CRPPA: variants seen among roughly 807,000 people sequenced by gnomAD.
The protein encoded by CRPPA is CDP-L-ribitol pyrophosphorylase A.
In CRPPA, 43 loss-of-function variants were observed where a neutral mutation model predicts 52.0. That is an observed-to-expected ratio of 0.83 (90% confidence interval 0.65 to 1.07). The LOEUF (loss-of-function observed/expected upper bound fraction) is 1.07, where lower values mean the gene tolerates loss of function less well. CRPPA is among the 50% of genes least tolerant of loss of function. The pLI is 0.00. For synonymous variants in CRPPA, 250 were observed against 203.5 expected (o/e 1.23, Z -1.94); for missense variants, 629 against 551.7 (o/e 1.14, Z -1.40).
At chr7:16,309,935 T>G (rs986494627) in intron 3 of CRPPA, among the ~76,000 whole-genome samples, 1 of 152,024 alleles carries the variant, frequency 6.6e-6, no homozygotes, top group Non-Finnish European at 1.5e-5. Flanking sequence ...TAAATTCAAG[T>G]CAATCGCTAA....
chr7:16,186,983 C>T (rs924803528), intron 9 of CRPPA, among the ~76,000 whole-genome samples: 10 of 152,108 alleles, frequency 6.6e-5, no homozygotes, highest in African/African-American at 2.4e-4. Flanking sequence ...TTAATCTTTG[C>T]TCATGTGCAA....
intron 8 of CRPPA, among the ~76,000 whole-genome samples, chr7:16,233,898 G>A (rs1195816166): frequency 2.0e-5 from 3 of 152,050 alleles, no homozygotes; most frequent in Non-Finnish European, 4.4e-5. Context: ...TATGACAAGG[G>A]TAGAGGCTAT....
At chr7:16,210,077 T>C (rs1321187762) in intron 9 of CRPPA, among the ~76,000 whole-genome samples, 1 of 152,234 alleles carries the variant, frequency 6.6e-6, no homozygotes, top group Non-Finnish European at 1.5e-5. Context: ...AAATAAGTTT[T>C]GCCTTTCTAA....
In CRPPA at chr7:16,263,945, T is replaced by G. The variant is rs140044503; in HGVS notation, c.934-4933A>C. Among the ~76,000 whole-genome samples, 566 of 152,246 alleles carry G rather than the reference T, an allele frequency of 3.7e-3. 3 individuals carry two copies. The highest frequency in any genetic ancestry group is 0.014 in the Middle Eastern group (4 of 294). On this transcript the variant is annotated intron_variant, in intron 6 of 9. Transcript: ENST00000407010. ...TGCATACACAATATTTACATAAAAG[T>G]TATCAAATATTAGTATTTTTGTACT...
chr7:16,133,944 T>G lies in CRPPA; in HGVS notation c.1252-42145A>C, dbSNP rs1034868530. ...ACATCATCCTTATGATTTTCTTTTT[T>G]TTTCCGAGATGGAGTCTCGCTCTGT... On this transcript the variant is annotated intron_variant, in intron 9 of 9. Transcript: ENST00000407010. Among the ~76,000 whole-genome samples, 8 of 124,396 alleles carry G rather than the reference T, an allele frequency of 6.4e-5. 2 individuals carry two copies. Among genetic ancestry groups the G allele is most frequent in the African/African-American group, 2.1e-4 (8 of 38,426 alleles). 81.6% of individuals were successfully genotyped at this position (124,396 alleles called of 152,430 possible).
chr7:16,377,930 C>A (rs985734848), intron 2 of CRPPA, among the ~76,000 whole-genome samples: 4 of 151,982 alleles, frequency 2.6e-5, no homozygotes, highest in Admixed American at 2.0e-4. Context: ...CCTGATCACT[C>A]TTTTTCCAGC....
intron 6 of CRPPA, chr7:16,261,957 G>A (rs973069900): frequency 6.6e-6 from 1 of 151,964 alleles, no homozygotes; most frequent in Non-Finnish European, 1.5e-5. Context: ...TCGGATGTTT[G>A]TAGATAATCC....
At chr7:16,153,457 T>C (rs1583393752) in intron 9 of CRPPA, among the ~76,000 whole-genome samples, 1 of 152,148 alleles carries the variant, frequency 6.6e-6, no homozygotes, top group Admixed American at 6.5e-5. Flanking sequence ...TATTACCTTT[T>C]AGAGAAAAGG....
chr7:16,272,307 A>C (rs1025841772), intron 6 of CRPPA, among the ~76,000 whole-genome samples: 2 of 152,214 alleles, frequency 1.3e-5, no homozygotes, highest in African/African-American at 4.8e-5. Context: ...GGTGGGTATC[A>C]TTAAAGTTAG....
intron 4 of CRPPA, among the ~76,000 whole-genome samples, chr7:16,303,405 A>G (rs1465820085): frequency 1.3e-5 from 2 of 149,452 alleles, no homozygotes; most frequent in Non-Finnish European, 3.0e-5. Flanking sequence ...GTAAGGTAAT[A>G]ATACGGTGGG....
chr7:16,265,853 T>A (rs1373965829), intron 6 of CRPPA, among the ~76,000 whole-genome samples: 1 of 152,194 alleles, frequency 6.6e-6, no homozygotes, highest in African/African-American at 2.4e-5. Flanking sequence ...TTATAGATAA[T>A]GCAGTACAGG....
intron 9 of CRPPA, among the ~76,000 whole-genome samples, chr7:16,176,237 G>A (rs771060143): frequency 9.2e-5 from 14 of 152,072 alleles, no homozygotes; most frequent in Non-Finnish European, 1.5e-4. Context: ...AATATTTAAA[G>A]AGAGAAGACC....
At chr7:16,240,075 C>G (rs557203930) in intron 8 of CRPPA, among the ~76,000 whole-genome samples, 1 of 151,792 alleles carries the variant, frequency 6.6e-6, no homozygotes, top group Non-Finnish European at 1.5e-5. Context: ...ATAACACAAA[C>G]TTTCCATTAA....
intron 9 of CRPPA, among the ~76,000 whole-genome samples, chr7:16,201,527 G>T (rs1781856866): frequency 6.6e-6 from 1 of 152,076 alleles, no homozygotes; most frequent in Admixed American, 6.5e-5. Context: ...ACCCACTTTT[G>T]GGTCCCCTCT....
At chr7:16,255,750 C>G (rs1013291625) in intron 8 of CRPPA, among the ~76,000 whole-genome samples, 2 of 152,094 alleles carry the variant, frequency 1.3e-5, no homozygotes, top group African/African-American at 4.8e-5. Context: ...AAGCAGAAAG[C>G]TGAAACTGGA....
At chr7:16,137,697 T>C (rs1782788116) in intron 9 of CRPPA, among the ~76,000 whole-genome samples, 1 of 152,208 alleles carries the variant, frequency 6.6e-6, no homozygotes, top group Admixed American at 6.5e-5. Context: ...ATTAGACTGA[T>C]CCTATATTTT....
intron 9 of CRPPA, among the ~76,000 whole-genome samples, chr7:16,124,722 C>T (rs62442362): frequency 0.012 from 1,809 of 151,774 alleles, 15 homozygotes; most frequent in Non-Finnish European, 0.018. Context: ...TTGAATATTC[C>T]AACACACAAA....
chr7:16,262,640 A>C lies in CRPPA; in HGVS notation c.934-3628T>G, dbSNP rs758120789. Among the ~76,000 whole-genome samples, 34 of 152,274 alleles carry C rather than the reference A, an allele frequency of 2.2e-4. No homozygotes were observed. In the Middle Eastern group the frequency reaches 0.017, roughly 76 times the overall value. On this transcript the variant is annotated intron_variant, in intron 6 of 9. Transcript: ENST00000407010. ...TTAGAGTGTTAAAACAAAATCAGAC[A>C]CTGATAATTTTCTCTGTCTCTATGA...
intron 3 of CRPPA, among the ~76,000 whole-genome samples, chr7:16,344,548 C>CA (rs896846920): frequency 1.4e-3 from 213 of 149,480 alleles, no homozygotes; most frequent in African/African-American, 4.3e-3. Flanking sequence ...CCTTGTCTAT[C>CA]AAAAAAAAAG....
Sources: allele counts gnomAD v4.1 joint callset (sites outside exome capture counted in the v4.1 genomes callset), GRCh38; gene constraint gnomAD v4.1.1; transcripts MANE v1.5; gene names NCBI Gene and HGNC (gene_info 2026-07-23, HGNC 2026-07-21).